The following ZDHHC14 variants were observed in gnomAD, a reference collection of about 807,000 sequenced individuals.
ZDHHC14 encodes zDHHC palmitoyltransferase 14.
A neutral mutation model predicts 47.7 loss-of-function variants in ZDHHC14; 16 were observed. That is an observed-to-expected ratio of 0.34 (90% CI 0.23 to 0.51). ZDHHC14 has a LOEUF of 0.51. Among genes scored for constraint, ZDHHC14 ranks in the 20% least tolerant of loss-of-function variants. The pLI is 0.97. For synonymous variants in ZDHHC14, 293 were observed against 278.9 expected, an observed-to-expected ratio of 1.05 and a Z score of -0.50; for missense variants, 515 against 662.5, an observed-to-expected ratio of 0.78 and a Z score of 2.44.
At chr6:157,407,476 C>T (rs987097991) in intron 1 of ZDHHC14, among the ~76,000 whole-genome samples, 1 of 152,182 alleles carries the variant, frequency 6.6e-6, no homozygotes, top group Admixed American at 6.5e-5. Context: ...AAGAAAACTT[C>T]CCAGCAGTCC....
At chr6:157,629,099 AT>A (rs760064290) in intron 4 of ZDHHC14, among the ~76,000 whole-genome samples, 3 of 152,394 alleles carry the variant, frequency 2.0e-5, no homozygotes, top group Admixed American at 1.3e-4. Flanking sequence ...AGCAACTTTG[AT>A]TAAAAATTAG....
At chr6:157,435,528 C>T (rs576359541) in intron 1 of ZDHHC14, among the ~76,000 whole-genome samples, 1 of 152,106 alleles carries the variant, frequency 6.6e-6, no homozygotes, top group South Asian at 2.1e-4. Context: ...TTTCCTCCCT[C>T]ATTTCTCTCT....
At chr6:157,457,203 G>A (rs1186282917) in intron 1 of ZDHHC14, among the ~76,000 whole-genome samples, 1 of 151,380 alleles carries the variant, frequency 6.6e-6, no homozygotes, top group African/African-American at 2.4e-5. Flanking sequence ...GACCGAGTTG[G>A]GATGGGCACT....
chr6:157,558,449 C>T (rs564341407), intron 2 of ZDHHC14, among the ~76,000 whole-genome samples: 3 of 152,270 alleles, frequency 2.0e-5, no homozygotes, highest in African/African-American at 7.2e-5. Flanking sequence ...AGTAGCCAAT[C>T]GAGAGGGCTG....
chr6:157,510,564 C>T (rs894388663), intron 1 of ZDHHC14, among the ~76,000 whole-genome samples: 100 of 152,262 alleles, frequency 6.6e-4, no homozygotes, highest in African/African-American at 2.4e-3. Context: ...CTTTTCTCAA[C>T]TTCTTTGCTG....
chr6:157,531,256 G>A (rs1781353768), intron 1 of ZDHHC14, among the ~76,000 whole-genome samples: 1 of 150,396 alleles, frequency 6.6e-6, no homozygotes, highest in South Asian at 2.1e-4. Flanking sequence ...AGGCACTGGG[G>A]ATGCCACAGT....
chr6:157,515,345 G>T (rs529680637), intron 1 of ZDHHC14, among the ~76,000 whole-genome samples: 2 of 152,138 alleles, frequency 1.3e-5, no homozygotes, highest in South Asian at 4.1e-4. Context: ...GTAACTGATT[G>T]CATTCCAGCT....
chr6:157,389,994 A>G (rs917432562), intron 1 of ZDHHC14, among the ~76,000 whole-genome samples: 1 of 152,108 alleles, frequency 6.6e-6, no homozygotes, highest in Non-Finnish European at 1.5e-5. Context: ...ATTTATCTTC[A>G]TGTATTTACC....
intron 2 of ZDHHC14, among the ~76,000 whole-genome samples, chr6:157,573,861 A>G (rs1246531355): frequency 6.6e-6 from 1 of 152,044 alleles, no homozygotes. Flanking sequence ...CCACATCAGC[A>G]TTCCCCGTGC....
chr6:157,419,239 A>C (rs1350124620), intron 1 of ZDHHC14, among the ~76,000 whole-genome samples: 1 of 152,174 alleles, frequency 6.6e-6, no homozygotes, highest in African/African-American at 2.4e-5. Flanking sequence ...TTGATTCATG[A>C]TTATTAACTA....
chr6:157,671,286 CT>C (rs1428380293), intron 8 of ZDHHC14, among the ~76,000 whole-genome samples: 2 of 152,208 alleles, frequency 1.3e-5, no homozygotes, highest in Non-Finnish European at 2.9e-5. Context: ...TTACTTTCAT[CT>C]GTAAGGTCTT....
At chr6:157,591,590 T>C (rs1783909921) in intron 2 of ZDHHC14, among the ~76,000 whole-genome samples, 1 of 152,190 alleles carries the variant, frequency 6.6e-6, no homozygotes, top group African/African-American at 2.4e-5. Flanking sequence ...CTTTATCAAT[T>C]ATCCAGTCTC....
At chr6:157,468,237 C>T (rs973411788) in intron 1 of ZDHHC14, among the ~76,000 whole-genome samples, 10 of 152,130 alleles carry the variant, frequency 6.6e-5, no homozygotes, top group Admixed American at 6.5e-4. Flanking sequence ...TCCATCAGCC[C>T]CTCTGACCTA....
chr6:157,433,063 C>G (rs1052060493), intron 1 of ZDHHC14, among the ~76,000 whole-genome samples: 20 of 152,360 alleles, frequency 1.3e-4, no homozygotes, highest in African/African-American at 4.8e-4. Context: ...AGCGGTGTGC[C>G]TGTGTCTAAT....
intron 1 of ZDHHC14, among the ~76,000 whole-genome samples, chr6:157,401,794 T>C (rs1029275255): frequency 1.4e-5 from 2 of 142,918 alleles, no homozygotes; most frequent in Admixed American, 7.0e-5. Context: ...AGTAGTGAGG[T>C]GAGCACCTGC....
At chr6:157,518,873 T>C (rs906051994) in intron 1 of ZDHHC14, among the ~76,000 whole-genome samples, 2 of 152,222 alleles carry the variant, frequency 1.3e-5, no homozygotes, top group African/African-American at 4.8e-5. Context: ...CACAGTCACA[T>C]GTGGCTTGAG....
intron 3 of ZDHHC14, among the ~76,000 whole-genome samples, chr6:157,606,422 C>T (rs147449704): frequency 1.1e-4 from 16 of 152,114 alleles, no homozygotes; most frequent in East Asian, 5.8e-4. Context: ...GCAGAGATCG[C>T]GCCACTGCAT....
At chr6:157,594,203 G>A (rs766369489) in intron 3 of ZDHHC14, among the ~76,000 whole-genome samples, 1 of 152,138 alleles carries the variant, frequency 6.6e-6, no homozygotes, top group East Asian at 1.9e-4. Context: ...GCAGTCTTCC[G>A]TTTGTCTTAA....
At chr6:157,387,594 G>A (rs1378713587) in intron 1 of ZDHHC14, among the ~76,000 whole-genome samples, 2 of 152,202 alleles carry the variant, frequency 1.3e-5, no homozygotes, top group African/African-American at 4.8e-5. Flanking sequence ...TAGGAACATA[G>A]TACATGGAGC....
Sources: gnomAD v4.1 joint callset for allele counts (sites outside exome capture counted in the v4.1 genomes callset) on GRCh38, gnomAD v4.1.1 for gene constraint, MANE v1.5 for transcripts, NCBI Gene and HGNC (gene_info 2026-07-23, HGNC 2026-07-21) for gene names.